Variants in HTR3B observed in about 807,000 individuals in gnomAD.
HTR3B encodes the protein 5-hydroxytryptamine (serotonin) receptor 3B, ionotropic.
In HTR3B, 44 loss-of-function variants were observed where a neutral mutation model predicts 42.8. The ratio of observed to expected loss-of-function variants is 1.03; its 90% CI spans 0.81 to 1.32. The LOEUF is 1.32. HTR3B is among the 40% of genes most tolerant of loss of function. HTR3B has a pLI of 0.00. For synonymous variants in HTR3B, 203 were observed against 209.0 expected, an observed-to-expected ratio of 0.97 and a Z score of 0.25; for missense variants, 527 against 536.5, an observed-to-expected ratio of 0.98 and a Z score of 0.17.
At chr11:113,929,050 T>C (rs1044141290) in intron 2 of HTR3B, among the ~76,000 whole-genome samples, 1 of 152,222 alleles carries the variant, frequency 6.6e-6, no homozygotes, top group African/African-American at 2.4e-5. Flanking sequence ...ATTGCTGGAT[T>C]ATATGGTAAT....
At chr11:113,938,146 T>C (rs2137532029) in intron 6 of HTR3B, among the ~76,000 whole-genome samples, 1 of 152,306 alleles carries the variant, frequency 6.6e-6, no homozygotes, top group Admixed American at 6.5e-5. Context: ...GACCTCATCC[T>C]ACTCTAGTAC....
chr11:113,931,439 A>G lies in HTR3B; in HGVS notation c.258+11A>G. ...GTATGGTACCAAGAGGTAAATAATT[A>G]TGTTTTCTTCTAAATATATTGCACT... On this transcript the variant is annotated intron_variant, in intron 3 of 8. Coordinates refer to ENST00000260191, the MANE Select transcript of HTR3B (RefSeq NM_006028.5). 1 of 1,543,784 alleles carries G rather than the reference A, an allele frequency of 6.5e-7. No individual in the cohort carries two copies.
chr11:113,899,663 T>A, the HTR3B span, among the ~76,000 whole-genome samples: 2 of 152,218 alleles, frequency 1.3e-5, no homozygotes, highest in Admixed American at 1.3e-4. Flanking sequence ...TATTTAGTAG[T>A]CTTAAAGGAC....
At chr11:113,931,515 C>T (rs192794978) in intron 3 of HTR3B, 87 bp downstream of exon 3, 2 of 853,874 alleles carry the variant, frequency 2.3e-6, no homozygotes, top group Non-Finnish European at 1.9e-6. Flanking sequence ...TAGGTATTAT[C>T]TTTGTATTTA....
the HTR3B span, among the ~76,000 whole-genome samples, chr11:113,899,769 T>G: frequency 2.6e-5 from 4 of 152,168 alleles, no homozygotes; most frequent in African/African-American, 9.7e-5. Flanking sequence ...CATCGGTCGA[T>G]CTAATAGGTG....
chr11:113,932,142 G>A (rs1950041304), intron 4 of HTR3B, 147 bp from the exon 5 acceptor site: 3 of 686,362 alleles, frequency 4.4e-6, no homozygotes, highest in Non-Finnish European at 7.6e-6. Flanking sequence ...CTTTGCCAGG[G>A]TGAATCATCT....
intron 6 of HTR3B, among the ~76,000 whole-genome samples, chr11:113,941,571 G>A (rs142715339): frequency 1.5e-3 from 226 of 152,278 alleles, no homozygotes; most frequent in Non-Finnish European, 2.7e-3. Context: ...CCACTGAGAC[G>A]CACTCCTCCA....
upstream of HTR3B, among the ~76,000 whole-genome samples, chr11:113,902,444 G>A (rs1445159112): frequency 6.6e-6 from 1 of 152,054 alleles, no homozygotes; most frequent in African/African-American, 2.4e-5. Context: ...TTACAGGCAT[G>A]TGCCACCGTG....
intron 6 of HTR3B, among the ~76,000 whole-genome samples, chr11:113,940,949 C>T (rs1950130265): frequency 6.6e-6 from 1 of 152,208 alleles, no homozygotes; most frequent in South Asian, 2.1e-4. Flanking sequence ...GGAAAAAGCA[C>T]TGGGCTTGGA....
At chr11:113,909,501 AAC>A in intron 2 of HTR3B, 46 bp downstream of exon 2, 2 of 1,533,398 alleles carry the variant, frequency 1.3e-6, no homozygotes, top group Non-Finnish European at 1.8e-6. Context: ...CGTCTTTTGA[AAC>A]AGTCTGCAGT....
chr11:113,929,917 A>G lies in HTR3B; in HGVS notation c.214-1467A>G, dbSNP rs143910210. Among the ~76,000 whole-genome samples the G allele has an allele frequency of 2.2e-3, 330 of 152,072 alleles. 1 individual carries two copies. Among genetic ancestry groups the G allele is most frequent in the African/African-American group, 7.4e-3 (308 of 41,492 alleles). On this transcript the variant is annotated intron_variant, in intron 2 of 8. Transcript: ENST00000260191. ...CCGGCTAATTTTTGTATTTTTTAGT[A>G]GAGACGGGGTTTTGCCGTGTTAGCC...
chr11:113,925,184 CTG>C (rs1414068313), intron 2 of HTR3B, among the ~76,000 whole-genome samples: 1 of 152,116 alleles, frequency 6.6e-6, no homozygotes, highest in Non-Finnish European at 1.5e-5. Context: ...AGTCTTGACC[CTG>C]TGCACAAAGA....
At position 113,947,505 on chromosome 11, in the gene HTR3B, C is replaced by T. The variant is rs1950189172; in HGVS notation, c.*1368C>T. Among the ~76,000 whole-genome samples, 1 of 152,198 alleles carries T rather than the reference C, an allele frequency of 6.6e-6. No homozygotes were observed. The highest frequency in any genetic ancestry group is 2.4e-5 in the African/African-American group (1 of 41,460). On this transcript the variant is annotated 3_prime_UTR_variant, in exon 9 of 9. Transcript: ENST00000260191. ...AGTCTGGAAGCTAGAAGCCTAAGAT[C>T]AAGGTGCAAACAGGGTGGGTGGCTT...
chr11:113,910,936 T>G (rs1232856534), intron 2 of HTR3B, among the ~76,000 whole-genome samples: 5 of 150,722 alleles, frequency 3.3e-5, no homozygotes, highest in African/African-American at 1.2e-4. Flanking sequence ...TTCATGCCAT[T>G]CTGCCTCAGC....
intron 8 of HTR3B, among the ~76,000 whole-genome samples, chr11:113,945,426 G>A (rs1016494021): frequency 2.6e-5 from 4 of 152,116 alleles, no homozygotes; most frequent in South Asian, 4.1e-4. Flanking sequence ...TGAGCCTACC[G>A]CACCCAGCCT....
rs139804695 is a variant in HTR3B, at chr11:113,944,719, A to T, written c.1054A>T (p.Arg352Ter). The T allele has an allele frequency of 1.5e-5, 24 of 1,614,186 alleles. No individual in the cohort carries two copies. The African/African-American group carries it at 2.8e-4, about 19-fold the overall frequency. ...AGGGGACACCGATGCTGACAGGCCT[A>T]GAGTGGAACCCAGGGCCCAACGTGC... is the stretch of plus-strand genomic sequence containing the variant. ...LRGDTDADRP[R>*]VEPRAQRAVV... The change falls in exon 8 of 9, where the codon AGA becomes TGA. Residue 352 changes from arginine to a stop codon, truncating the protein, a stop_gained. Coordinates refer to ENST00000260191, the MANE Select transcript of HTR3B (RefSeq NM_006028.5). LOFTEE classifies it low-confidence loss of function (END_TRUNC).
intron 2 of HTR3B, among the ~76,000 whole-genome samples, chr11:113,909,835 T>G (rs1949768732): frequency 6.6e-6 from 1 of 151,834 alleles, no homozygotes; most frequent in Admixed American, 6.6e-5. Context: ...ATACAAAAAC[T>G]AGCCAGGCCA....
chr11:113,925,329 T>C (rs912516830), intron 2 of HTR3B, among the ~76,000 whole-genome samples: 3 of 152,214 alleles, frequency 2.0e-5, no homozygotes, highest in African/African-American at 4.8e-5. Flanking sequence ...AATTTGGTAT[T>C]GTACTAAATA....
chr11:113,933,736 G>T (rs1950062115), intron 6 of HTR3B, among the ~76,000 whole-genome samples: 1 of 152,294 alleles, frequency 6.6e-6, no homozygotes, highest in South Asian at 2.1e-4. Flanking sequence ...TGGGGTACAG[G>T]ACAGTGAAGC....
Sources: gnomAD v4.1 joint callset for allele counts (sites outside exome capture counted in the v4.1 genomes callset) on GRCh38, gnomAD v4.1.1 for gene constraint, MANE v1.5 for transcripts, NCBI Gene and HGNC (gene_info 2026-07-23, HGNC 2026-07-21) for gene names.